Variants in SLF1 observed in about 807,000 individuals in gnomAD.
SLF1 encodes the protein SMC5-SMC6 complex localization factor protein 1.
SLF1 carries 105 observed loss-of-function variants against 123.0 expected under a neutral mutation model. The observed-to-expected ratio is 0.85, with a 90% confidence interval of 0.73 to 1.00. The LOEUF is 1.00. Among genes scored for constraint, SLF1 ranks in the 50% least tolerant of loss-of-function variants. SLF1 has a pLI of 0.00. For synonymous variants in SLF1, 434 were observed against 406.6 expected (o/e 1.07, Z -0.81); for missense variants, 1,239 against 1,223.0 (o/e 1.01, Z -0.20).
chr5:94,637,121 G>C (rs911908431), intron 4 of SLF1, among the ~76,000 whole-genome samples: 1 of 152,122 alleles, frequency 6.6e-6, no homozygotes, highest in Admixed American at 6.5e-5. Context: ...TTTCTTTGGA[G>C]GTGCCCTGAT....
chr5:94,677,161 C>G (rs1444920540), intron 14 of SLF1, among the ~76,000 whole-genome samples: 1 of 152,054 alleles, frequency 6.6e-6, no homozygotes, highest in African/African-American at 2.4e-5. Context: ...TTTGGAAGTG[C>G]CTTTTATGTA....
At chr5:94,668,031 A>C (rs1750009151) in intron 12 of SLF1, among the ~76,000 whole-genome samples, 1 of 151,868 alleles carries the variant, frequency 6.6e-6, no homozygotes, top group Non-Finnish European at 1.5e-5. Context: ...TAAAGGCATG[A>C]GCCACCATGC....
chr5:94,624,243 G>T (rs565477396), intron 1 of SLF1, among the ~76,000 whole-genome samples: 30 of 151,818 alleles, frequency 2.0e-4, no homozygotes, highest in Non-Finnish European at 3.7e-4. Flanking sequence ...CCTTTCCTCC[G>T]CATGTTTAAC....
chr5:94,624,953 G>A (rs938208588), intron 1 of SLF1, among the ~76,000 whole-genome samples: 1 of 151,604 alleles, frequency 6.6e-6, no homozygotes, highest in Non-Finnish European at 1.5e-5. Context: ...TTGGGAGGCC[G>A]AGGCAGGCGG....
intron 14 of SLF1, among the ~76,000 whole-genome samples, chr5:94,672,790 G>A (rs1302418086): frequency 6.6e-6 from 1 of 152,028 alleles, no homozygotes; most frequent in South Asian, 2.1e-4. Flanking sequence ...TTATGGGTCT[G>A]TTTCTGTTGT....
intron 3 of SLF1, among the ~76,000 whole-genome samples, chr5:94,629,373 A>G (rs1221004134): frequency 6.6e-6 from 1 of 151,910 alleles, no homozygotes; most frequent in Non-Finnish European, 1.5e-5. Flanking sequence ...AATAGGCAGA[A>G]ATATTTACCT....
Position 94,627,367 on chromosome 5 carries a change from G to A in SLF1, c.1-1444G>A, listed in dbSNP as rs560909032. ...AAAGATTGAGATTTTTCTCTAATAC[G>A]CTGTCTAGTTCTCCAGTTCAACTTC... On this transcript the variant is annotated intron_variant, in intron 1 of 20. Transcript: ENST00000265140. Among the ~76,000 whole-genome samples, 9 of 151,796 alleles carry A rather than the reference G, an allele frequency of 5.9e-5. No individual in the cohort carries two copies. The East Asian group carries it at 1.7e-3, about 29-fold the overall frequency.
At chr5:94,690,901 ATT>A (rs34685126) in intron 18 of SLF1, among the ~76,000 whole-genome samples, 4 of 138,814 alleles carry the variant, frequency 2.9e-5, no homozygotes, top group Admixed American at 7.3e-5. Context: ...GGTACTAGGG[ATT>A]TTTTTTTTTT....
chr5:94,643,842 G>A (rs1431623884), intron 5 of SLF1, among the ~76,000 whole-genome samples: 1 of 152,004 alleles, frequency 6.6e-6, no homozygotes, highest in Non-Finnish European at 1.5e-5. Context: ...CAAGTTGTTT[G>A]AATGGGCATC....
At chr5:94,678,769 G>T (rs1460947647) in intron 14 of SLF1, 39 bp from the exon 15 acceptor site, 2 of 1,515,638 alleles carry the variant, frequency 1.3e-6, no homozygotes, top group African/African-American at 1.4e-5. Flanking sequence ...ATTCAATATT[G>T]TAATATATTT....
intron 5 of SLF1, among the ~76,000 whole-genome samples, chr5:94,648,795 A>G (rs912019092): frequency 3.9e-5 from 6 of 152,216 alleles, no homozygotes; most frequent in African/African-American, 1.4e-4. Flanking sequence ...AGCCTCTCAT[A>G]AGTACATTTT....
Position 94,678,801 on chromosome 5 carries a change from A to G in SLF1, c.1828-7A>G. On this transcript the variant is annotated splice_region_variant and splice_polypyrimidine_tract_variant and intron_variant, in intron 14 of 20. Coordinates refer to ENST00000265140, the MANE Select transcript of SLF1 (RefSeq NM_032290.4). Reference sequence around the variant, plus strand: ...ATTTTAGTAATTTTTTTGTATCTTAATGTTAGGTCTTCAAACATGAACTAG... The same window carrying G: ...ATTTTAGTAATTTTTTTGTATCTTAGTGTTAGGTCTTCAAACATGAACTAG... The G allele has an allele frequency of 6.2e-7, 1 of 1,607,190 alleles. No homozygotes were observed. The highest frequency in any genetic ancestry group is 8.5e-7 in the Non-Finnish European group (1 of 1,175,458).
At chr5:94,641,987 C>T (rs1396801188) in intron 4 of SLF1, among the ~76,000 whole-genome samples, 1 of 152,002 alleles carries the variant, frequency 6.6e-6, no homozygotes, top group African/African-American at 2.4e-5. Flanking sequence ...TTGCTTCTAT[C>T]CCTCATCCGG....
At chr5:94,678,503 A>C (rs147856515) in intron 14 of SLF1, 18 of 180,806 alleles carry the variant, frequency 1.0e-4, no homozygotes, top group African/African-American at 3.8e-4. Context: ...GTATTTTCTC[A>C]TTATTTTAAT....
intron 4 of SLF1, among the ~76,000 whole-genome samples, chr5:94,642,736 T>A (rs1003176633): frequency 2.6e-5 from 4 of 152,208 alleles, no homozygotes; most frequent in African/African-American, 9.6e-5. Flanking sequence ...TTAGTCTAAA[T>A]GTAAAATGTA....
chr5:94,638,274 G>A (rs1289845262), intron 4 of SLF1, among the ~76,000 whole-genome samples: 1 of 152,088 alleles, frequency 6.6e-6, no homozygotes, highest in Admixed American at 6.6e-5. Flanking sequence ...CACCTCCCGG[G>A]TTCACGCCAT....
In SLF1 at chr5:94,645,551, T is replaced by G. The variant is rs113715806; in HGVS notation, c.594+2116T>G. On this transcript the variant is annotated intron_variant, in intron 5 of 20. Transcript: ENST00000265140. ...GAACGAAAGTTGTTCTTAACTAGAT[T>G]AGTAAAGGTATATTAATTTTCTTTT... Among the ~76,000 whole-genome samples, 693 of 152,342 alleles carry G rather than the reference T, an allele frequency of 4.5e-3. 5 individuals carry two copies. Among genetic ancestry groups the G allele is most frequent in the African/African-American group, 0.015 (615 of 41,578 alleles).
At chr5:94,684,452 A>C (rs1752152377) in intron 15 of SLF1, among the ~76,000 whole-genome samples, 1 of 152,154 alleles carries the variant, frequency 6.6e-6, no homozygotes, top group South Asian at 2.1e-4. Flanking sequence ...TAATCCCAGC[A>C]CTTTGGGAGG....
intron 1 of SLF1, among the ~76,000 whole-genome samples, chr5:94,627,611 T>TAC (rs1244119563): frequency 5.1e-5 from 7 of 137,908 alleles, no homozygotes; most frequent in African/African-American, 8.0e-5. Context: ...TATATATATA[T>TAC]ATATATATAG....
Sources: gnomAD v4.1 joint callset for allele counts (sites outside exome capture counted in the v4.1 genomes callset) on GRCh38, gnomAD v4.1.1 for gene constraint, MANE v1.5 for transcripts, NCBI Gene and HGNC (gene_info 2026-07-23, HGNC 2026-07-21) for gene names.